ICE1: variants seen among roughly 807,000 people sequenced by gnomAD.
The protein encoded by ICE1 is little elongation complex subunit 1.
ICE1 carries 64 observed loss-of-function variants against 192.7 expected under a neutral mutation model. The ratio of observed to expected loss-of-function variants is 0.33; its 90% CI spans 0.27 to 0.41. The LOEUF (loss-of-function observed/expected upper bound fraction) is 0.41. ICE1 is among the 10% of genes least tolerant of loss of function. The pLI, the probability that ICE1 is intolerant of heterozygous loss-of-function variation, is 1.00. For synonymous variants in ICE1, 1,010 were observed against 984.5 expected, an observed-to-expected ratio of 1.03 and a Z score of -0.49; for missense variants, 2,708 against 2,696.0, an observed-to-expected ratio of 1.00 and a Z score of -0.10.
At position 5,463,839 on chromosome 5, in the gene ICE1, G is replaced by A; in HGVS notation, c.4505G>A (p.Ser1502Asn). Residue 1502 changes from serine (S) to asparagine (N), a missense_variant, in exon 13 of 19, where the codon AGC becomes AAC. This residue lies in a region of ICE1 where 2,366 missense variants were observed against 2,276.6 expected (regional missense o/e 1.04). Transcript: ENST00000296564. ...PQEDVSSSGQ[S>N]TNFDKSRLRN... ...GAGGATGTTTCAAGCAGTGGTCAGAGCACCAACTTTGATAAGAGTCGTTTG... is the reference window on the plus strand; with the variant it reads ...GAGGATGTTTCAAGCAGTGGTCAGAACACCAACTTTGATAAGAGTCGTTTG... 2 of 1,613,942 alleles carry A rather than the reference G, an allele frequency of 1.2e-6. No individual in the cohort carries two copies. Among genetic ancestry groups the A allele is most frequent in the South Asian group, 1.1e-5 (1 of 91,076 alleles).
At chr5:5,457,266 C>CTTT in intron 11 of ICE1, 66 bp from the exon 12 acceptor site, 3 of 1,084,342 alleles carry the variant, frequency 2.8e-6, no homozygotes, top group South Asian at 2.0e-5. Context: ...TTCTTTCTTT[C>CTTT]TTTTTTTTTT....
intron 3 of ICE1, among the ~76,000 whole-genome samples, chr5:5,438,277 G>A (rs1174727272): frequency 6.6e-6 from 1 of 152,180 alleles, no homozygotes; most frequent in African/African-American, 2.4e-5. Context: ...CCTCCCACAA[G>A]GTTCCACCCC....
chr5:5,452,001 G>A (rs1041772856), intron 10 of ICE1, among the ~76,000 whole-genome samples: 14 of 152,040 alleles, frequency 9.2e-5, no homozygotes, highest in African/African-American at 4.8e-5. Context: ...GAATACTACA[G>A]CTGGGTCAGA....
At chr5:5,456,892 C>T (rs16875590) in intron 11 of ICE1, among the ~76,000 whole-genome samples, 6,713 of 152,086 alleles carry the variant, frequency 0.044, 564 homozygotes, top group East Asian at 0.32. Flanking sequence ...CAGATTTGGC[C>T]GTGGGTAGGC....
intron 17 of ICE1, among the ~76,000 whole-genome samples, chr5:5,479,299 T>G (rs1276342476): frequency 2.0e-5 from 3 of 152,194 alleles, no homozygotes; most frequent in African/African-American, 7.2e-5. Flanking sequence ...GAACAGACAC[T>G]TCTCAAAAGA....
chr5:5,454,471 C>G, intron 10 of ICE1, 81 bp from the exon 11 acceptor site: 1 of 906,242 alleles, frequency 1.1e-6, no homozygotes, highest in Non-Finnish European at 1.8e-6. Context: ...CCTAATAAAC[C>G]CTGATTTCAC....
rs17787545 is a variant in ICE1 at position 5,470,740 on chromosome 5, G to C, written c.6222+1752G>C. ...AAGATTTGACACTCAAAATTCCCTG[G>C]TAATAATTCAGTAAAATTTAACAGA... On this transcript the variant is annotated intron_variant, in intron 15 of 18. Transcript: ENST00000296564. Among the ~76,000 whole-genome samples the C allele has an allele frequency of 4.8e-3, 727 of 152,070 alleles. 5 individuals are homozygous for C. Among genetic ancestry groups the C allele is most frequent in the Non-Finnish European group, 8.3e-3 (567 of 67,980 alleles).
chr5:5,435,213 G>A (rs1032818969), intron 1 of ICE1, among the ~76,000 whole-genome samples: 5 of 152,150 alleles, frequency 3.3e-5, no homozygotes, highest in Non-Finnish European at 5.9e-5. Flanking sequence ...TTAAAAACAC[G>A]CTGAGTGATT....
At chr5:5,474,736 G>A (rs919980299) in intron 16 of ICE1, among the ~76,000 whole-genome samples, 3 of 152,138 alleles carry the variant, frequency 2.0e-5, no homozygotes, top group Admixed American at 2.0e-4. Flanking sequence ...ACATTAAAAA[G>A]GATGCATCAA....
At chr5:5,459,171 C>A (rs938999501) in intron 12 of ICE1, among the ~76,000 whole-genome samples, 6 of 152,146 alleles carry the variant, frequency 3.9e-5, no homozygotes, top group African/African-American at 1.4e-4. Context: ...CCGCGCCTGG[C>A]CACAGCTCAC....
chr5:5,465,494 A>G (rs1281529356), intron 13 of ICE1, among the ~76,000 whole-genome samples: 1 of 152,200 alleles, frequency 6.6e-6, no homozygotes, highest in African/African-American at 2.4e-5. Flanking sequence ...ACATATATCC[A>G]CTTGATCCTG....
intron 4 of ICE1, among the ~76,000 whole-genome samples, chr5:5,440,151 A>G (rs1410032818): frequency 6.6e-6 from 1 of 152,214 alleles, no homozygotes; most frequent in Non-Finnish European, 1.5e-5. Context: ...TTCACTTTTG[A>G]GTAACTTGTA....
intron 17 of ICE1, among the ~76,000 whole-genome samples, chr5:5,486,494 C>G (rs530066613): frequency 1.3e-5 from 2 of 152,168 alleles, no homozygotes; most frequent in Non-Finnish European, 2.9e-5. Context: ...TAACAGAAGT[C>G]AGGCGTTTCA....
At chr5:5,434,194 A>T (rs147292616) in intron 1 of ICE1, among the ~76,000 whole-genome samples, 2 of 152,234 alleles carry the variant, frequency 1.3e-5, no homozygotes, top group Non-Finnish European at 2.9e-5. Flanking sequence ...GTTTCATAAC[A>T]TGATTAAAGG....
chr5:5,465,281 A>T (rs1278418990), intron 13 of ICE1, 55 bp downstream of exon 13: 2 of 1,303,218 alleles, frequency 1.5e-6, no homozygotes, highest in South Asian at 3.0e-5. Context: ...TCAAAGACAG[A>T]TGCTGTTTAC....
chr5:5,457,472 T>G lies in ICE1; in HGVS notation c.832T>G (p.Leu278Val). The G allele has an allele frequency of 6.2e-7, 1 of 1,613,952 alleles. No individual in the cohort carries two copies. ...GTCCATGGAGATAAAGGAGGACTTT[T>G]TATGTCAAAATGTGGAAAAACAGAG... Reference protein sequence around the residue: ...KLSMEIKEDFLCQNVEKQSSS... With the variant: ...KLSMEIKEDFVCQNVEKQSSS... The change falls in exon 12 of 19, where the codon TTA becomes GTA. Residue 278 changes from leucine (L) to valine (V), a missense_variant. Physicochemically the swap from Leu to Val is conservative, Grantham distance 32. Transcript: ENST00000296564.
Position 5,466,408 on chromosome 5 carries a change from C to T in ICE1, c.5967C>T (p.Tyr1989=). Residue 1989 remains tyrosine (Y), a synonymous_variant, in exon 14 of 19, where the codon TAC becomes TAT. Coordinates refer to ENST00000296564, the MANE Select transcript of ICE1 (RefSeq NM_015325.3). The stretch of plus-strand genomic sequence containing the variant: ...AGAAGATATCTATGGACCACAATTA[C>T]ATTCACGCCCTCTGCAGGGTGTATG... ...KIQKISMDHN[Y]IHALCRVYVG... 1 of 1,613,622 alleles carries T rather than the reference C, an allele frequency of 6.2e-7. No individual in the cohort carries two copies.
chr5:5,454,020 A>G (rs1275978117), intron 10 of ICE1, among the ~76,000 whole-genome samples: 1 of 152,166 alleles, frequency 6.6e-6, no homozygotes, highest in Non-Finnish European at 1.5e-5. Flanking sequence ...TCTCCCCTCA[A>G]GTCCATTGAT....
At chr5:5,444,113 C>T (rs1738131354) in intron 6 of ICE1, among the ~76,000 whole-genome samples, 176 bp from the exon 7 acceptor site, 1 of 152,138 alleles carries the variant, frequency 6.6e-6, no homozygotes, top group South Asian at 2.1e-4. Context: ...TTTTTTAATC[C>T]ACTGTAAAGA....
Sources: allele counts gnomAD v4.1 joint callset (sites outside exome capture counted in the v4.1 genomes callset), GRCh38; gene constraint gnomAD v4.1.1; regional missense constraint gnomAD v4.1.1; transcripts MANE v1.5; gene names NCBI Gene and HGNC (gene_info 2026-07-23, HGNC 2026-07-21).